Variants in TEAD4 observed in about 807,000 individuals in gnomAD.
TEAD4 encodes transcriptional enhancer factor TEF-3.
In TEAD4, 36 loss-of-function variants were observed where a neutral mutation model predicts 52.4. The ratio of observed to expected loss-of-function variants is 0.69; its 90% confidence interval spans 0.53 to 0.91. TEAD4 has a LOEUF of 0.91. TEAD4 is among the 40% of genes least tolerant of loss of function. The pLI is 0.00. For missense variants in TEAD4, 508 were observed against 583.9 expected (o/e 0.87, Z 1.34); for synonymous variants, 220 against 231.0 (o/e 0.95, Z 0.43).
intron 10 of TEAD4, among the ~76,000 whole-genome samples, chr12:3,031,042 T>C (rs1474116134): frequency 6.6e-6 from 1 of 152,186 alleles, no homozygotes; most frequent in Non-Finnish European, 1.5e-5. Context: ...GAGGCTGGCT[T>C]CAGGGTGTGG....
intron 2 of TEAD4, among the ~76,000 whole-genome samples, chr12:2,970,409 A>T (rs2098224123): frequency 6.6e-6 from 1 of 152,268 alleles, no homozygotes; most frequent in Non-Finnish European, 1.5e-5. Flanking sequence ...CATACGGTGT[A>T]TGTGAAGACT....
chr12:2,965,206 C>T (rs138734979), intron 2 of TEAD4, among the ~76,000 whole-genome samples: 15 of 152,210 alleles, frequency 9.9e-5, no homozygotes, highest in African/African-American at 1.7e-4. Flanking sequence ...CTTTGTCACC[C>T]GGGCTGGAGT....
rs945060993 is a variant in TEAD4 at position 3,022,075 on chromosome 12, G to A, written c.897+58G>A. 3.0e-5 allele frequency: 47 copies of A among 1,585,922 alleles called. No homozygotes were observed. In the African/African-American group the frequency reaches 5.2e-4, roughly 18 times the overall value. Reference sequence around the variant, plus strand: ...CCAGCGTGTCCGTGGTAGTGAGAACGGGGCGAGAGTGCCCAGAGTGTGCCC... The same window carrying A: ...CCAGCGTGTCCGTGGTAGTGAGAACAGGGCGAGAGTGCCCAGAGTGTGCCC... On this transcript the variant is annotated intron_variant, in intron 10 of 12. Transcript: ENST00000359864.
intron 2 of TEAD4, among the ~76,000 whole-genome samples, chr12:2,987,739 G>T (rs2098239766): frequency 6.7e-6 from 1 of 148,402 alleles, no homozygotes; most frequent in Non-Finnish European, 1.5e-5. Flanking sequence ...AGCTTGTTAA[G>T]CTTTGTGGAA....
rs138509952 is a variant in TEAD4 at position 3,021,970 on chromosome 12, C to T, written c.850C>T (p.Leu284Phe). Residue 284 changes from leucine to phenylalanine, a missense_variant, in exon 10 of 13, where the codon CTC (leucine) becomes TTC (phenylalanine). Transcript: ENST00000359864. The stretch of plus-strand genomic sequence containing the variant: ...GGAGAAAAAGGGTGGACTCAAGGAT[C>T]TCTTCGAACGGGGACCCTCCAATGC... The T allele has an allele frequency of 6.2e-7, 1 of 1,614,262 alleles. No homozygotes were observed. Among genetic ancestry groups the T allele is most frequent in the Non-Finnish European group, 8.5e-7 (1 of 1,180,050 alleles).
chr12:2,965,043 G>A (rs748374476), intron 2 of TEAD4, among the ~76,000 whole-genome samples: 1 of 152,198 alleles, frequency 6.6e-6, no homozygotes, highest in Non-Finnish European at 1.5e-5. Flanking sequence ...GAGGGTAGGA[G>A]TAGGAGAGAC....
chr12:3,040,640 C>A lies in TEAD4; in HGVS notation c.*162C>A. The A allele has an allele frequency of 1.6e-6, 1 of 633,700 alleles. No homozygotes were observed. Among genetic ancestry groups the A allele is most frequent in the Non-Finnish European group, 2.8e-6 (1 of 355,470 alleles). The allele number at this position is 633,700 out of a possible 1,614,324, so 39.3% of individuals were successfully genotyped here. A position where few individuals can be genotyped will look rare whatever the true frequency, so the allele number is the denominator to read the frequency against. On this transcript the variant is annotated 3_prime_UTR_variant, in exon 13 of 13. Coordinates refer to ENST00000359864, the MANE Select transcript of TEAD4 (RefSeq NM_003213.4). ...TGTGCCTGAACCTGAGGTGCCCAAC[C>A]CCAAATAAACCCAAGATGCTGTGTA...
At chr12:3,020,914 C>G (rs1591592237) in intron 9 of TEAD4, 141 bp downstream of exon 9, 2 of 903,856 alleles carry the variant, frequency 2.2e-6, no homozygotes, top group African/African-American at 3.5e-5. Flanking sequence ...TGCCCTTCCC[C>G]CCACTCCTCC....
At chr12:2,996,001 C>T (rs1191838676) in intron 3 of TEAD4, among the ~76,000 whole-genome samples, 2 of 140,812 alleles carry the variant, frequency 1.4e-5, no homozygotes, top group Middle Eastern at 3.3e-3. Context: ...GAGTGAGGCC[C>T]TGTTTCAAAA....
chr12:2,992,184 A>G (rs200814218), intron 2 of TEAD4, among the ~76,000 whole-genome samples: 1 of 151,876 alleles, frequency 6.6e-6, no homozygotes, highest in East Asian at 1.9e-4. Flanking sequence ...ATGCCCGGCT[A>G]ATTTTTTTAT....
chr12:3,000,442 G>A (rs2098250724), intron 3 of TEAD4, among the ~76,000 whole-genome samples: 1 of 152,104 alleles, frequency 6.6e-6, no homozygotes, highest in South Asian at 2.1e-4. Flanking sequence ...TGGCGAAGGG[G>A]CCGAGTGTGC....
chr12:3,024,832 TA>T (rs1434165656), intron 10 of TEAD4, among the ~76,000 whole-genome samples: 3 of 152,140 alleles, frequency 2.0e-5, no homozygotes, highest in African/African-American at 4.8e-5. Context: ...CATATAAAAT[TA>T]AAATTTTTTT....
At chr12:2,963,970 G>A (rs531960672) in intron 2 of TEAD4, among the ~76,000 whole-genome samples, 145 of 152,220 alleles carry the variant, frequency 9.5e-4, no homozygotes, top group African/African-American at 3.3e-3. Context: ...GTCACCAGGG[G>A]CAGGAAATGG....
In TEAD4 at chr12:3,021,936, C is replaced by T. The variant is rs548956335; in HGVS notation, c.816C>T (p.Asp272=). 2.5e-6 allele frequency: 4 copies of T among 1,614,266 alleles called. No homozygotes were observed. The South Asian group carries it at 4.4e-5, about 18-fold the overall frequency. Residue 272 remains aspartate (D), a synonymous_variant, in exon 10 of 13, where the codon GAC becomes GAT. Coordinates refer to ENST00000359864, the MANE Select transcript of TEAD4 (RefSeq NM_003213.4). ...CCGTGGACATCCGCCAAATCTATGA[C>T]AAATTCCCGGAGAAAAAGGGTGGAC...
chr12:3,008,185 G>A (rs115127362), intron 3 of TEAD4, among the ~76,000 whole-genome samples: 2,617 of 152,310 alleles, frequency 0.017, 76 homozygotes, highest in African/African-American at 0.058. Flanking sequence ...GGCAGTGGGT[G>A]CCAGGGTGGG....
intron 2 of TEAD4, among the ~76,000 whole-genome samples, chr12:2,974,423 C>T (rs997293119): frequency 3.3e-5 from 5 of 152,192 alleles, no homozygotes; most frequent in East Asian, 1.9e-4. Context: ...GGATGGATGC[C>T]GCCTCCCACC....
At position 3,040,062 on chromosome 12, in the gene TEAD4, G is replaced by A. The variant is rs750316972; in HGVS notation, c.1039-45G>A. 24 of 1,607,742 alleles carry A rather than the reference G, an allele frequency of 1.5e-5. No homozygotes were observed. In the Middle Eastern group the frequency reaches 5.0e-4, roughly 33 times the overall value. On this transcript the variant is annotated intron_variant, in intron 11 of 12. Coordinates refer to ENST00000359864, the MANE Select transcript of TEAD4 (RefSeq NM_003213.4). ...GTGGAGTTGGGTCTGGGCTGGAGGTGGTCAGAATGGGATTCTAAGCCCCTG... is the reference window on the plus strand; with the variant it reads ...GTGGAGTTGGGTCTGGGCTGGAGGTAGTCAGAATGGGATTCTAAGCCCCTG...
intron 7 of TEAD4, 79 bp downstream of exon 7, chr12:3,018,667 G>C (rs1046445362): frequency 6.3e-7 from 1 of 1,591,232 alleles, no homozygotes; most frequent in Admixed American, 1.7e-5. Flanking sequence ...CATTAAGCCT[G>C]GGCCCCAGGG....
intron 2 of TEAD4, among the ~76,000 whole-genome samples, chr12:2,985,579 C>T (rs1408347121): frequency 2.2e-5 from 3 of 135,884 alleles, no homozygotes; most frequent in Admixed American, 7.7e-5. Flanking sequence ...GATCTCGGCT[C>T]ACTGCAACCT....
Sources: gnomAD v4.1 joint callset for allele counts (sites outside exome capture counted in the v4.1 genomes callset) on GRCh38, gnomAD v4.1.1 for gene constraint, MANE v1.5 for transcripts, NCBI Gene and HGNC (gene_info 2026-07-23, HGNC 2026-07-21) for gene names.